The following EHMT2 variants were observed in gnomAD, a reference collection of about 807,000 sequenced individuals.
EHMT2 encodes the protein euchromatic histone lysine methyltransferase 2, also known as histone-lysine N-methyltransferase EHMT2.
Under a neutral mutation model 143.3 loss-of-function variants are expected in EHMT2, and 59 were observed. The observed-to-expected ratio is 0.41, with a 90% CI of 0.33 to 0.51. The LOEUF is 0.51. EHMT2 is among the 20% of genes least tolerant of loss of function. The probability of loss-of-function intolerance (pLI) is 0.18; values close to 1 mark genes in which losing one functional copy is unlikely to be tolerated. For missense variants in EHMT2, 1,174 were observed against 1,645.9 expected, an observed-to-expected ratio of 0.71 and a Z score of 4.96; for synonymous variants, 604 against 651.5, an observed-to-expected ratio of 0.93 and a Z score of 1.11.
At position 31,896,830 on chromosome 6, in the gene EHMT2, G is replaced by A. The variant is rs1330593248; in HGVS notation, c.110-6C>T. The A allele has an allele frequency of 1.2e-6, 2 of 1,612,722 alleles. No homozygotes were observed. The highest frequency in any genetic ancestry group is 1.7e-5 in the Admixed American group (1 of 60,004). On this transcript the variant is annotated splice_polypyrimidine_tract_variant and splice_region_variant and intron_variant, in intron 2 of 27. Transcript: ENST00000375537. ...GTCCCCCAAAGAGCCATGAACTGTA[G>A]AGGAAGAGAAAAAGTTCAGAGCTAA... is the stretch of plus-strand genomic sequence containing the variant.
At chr6:31,882,215 G>C (rs992454978) in intron 25 of EHMT2, among the ~76,000 whole-genome samples, 2 of 152,098 alleles carry the variant, frequency 1.3e-5, no homozygotes, top group African/African-American at 4.8e-5. Flanking sequence ...ATGCTGGGCA[G>C]AGAAAGAACT....
exon 15 of EHMT2, chr6:31,887,658 G>A (rs1765053930): frequency 1.9e-6 from 3 of 1,612,782 alleles, no homozygotes; most frequent in Non-Finnish European, 2.5e-6. Context: ...AGCTTCTTCC[G>A]CCTGCCAAGG....
rs771517071 is a variant in EHMT2 at position 31,889,633 on chromosome 6, C to G, written c.865-31G>C. 1 of 1,606,438 alleles carries G rather than the reference C, an allele frequency of 6.2e-7. No individual in the cohort carries two copies. Reference sequence around the variant, plus strand: ...AGAGAGGCAGAACAGACATATCCAACCCCCAGGACTCAGACAATGAGGTGA... The same window carrying G: ...AGAGAGGCAGAACAGACATATCCAAGCCCCAGGACTCAGACAATGAGGTGA... On this transcript the variant is annotated intron_variant, in intron 7 of 27. Coordinates refer to ENST00000375537, the Ensembl canonical transcript of EHMT2. This position sits in a 1 kb window ranked among gnomAD's most constrained non-coding sequence, Gnocchi z 5.1.
Position 31,884,664 on chromosome 6 carries a change from T to A in EHMT2, c.2584A>T (p.Ser862Cys). 6.3e-7 allele frequency: 1 copy of A among 1,580,636 alleles called. No homozygotes were observed. Among genetic ancestry groups the A allele is most frequent in the Non-Finnish European group, 8.6e-7 (1 of 1,159,950 alleles). The change falls in exon 20 of 28, where the codon AGC (serine) becomes TGC (cysteine). Residue 862 changes from serine (S) to cysteine (C), a missense_variant. By Grantham distance (112) the Ser-to-Cys change is moderately radical. Coordinates refer to ENST00000375537, the Ensembl canonical transcript of EHMT2. This position sits in a 1 kb window ranked among gnomAD's most constrained non-coding sequence, Gnocchi z 7.3. ...GCTCACAGCACGCAGTCATGGTAGC[T>A]CTCCCGAGCTGCGATGTGCAGGGGG...
chr6:31,888,041 C>G lies in EHMT2; in HGVS notation c.1745G>C (p.Ser582Thr). 2.5e-6 allele frequency: 4 copies of G among 1,579,030 alleles called. No homozygotes were observed. The highest frequency in any genetic ancestry group is 3.4e-6 in the Non-Finnish European group (4 of 1,163,142). The change falls in exon 13 of 28, where the codon AGT becomes ACT. Residue 582 changes from serine to threonine, a missense_variant and splice_region_variant. This residue lies in a region of EHMT2 where 608 missense variants were observed against 903.7 expected (regional missense o/e 0.67). Coordinates refer to ENST00000375537, the Ensembl canonical transcript of EHMT2. The surrounding 1 kb of genome is among the most constrained non-coding windows in gnomAD (Gnocchi z 7.4). Reference sequence around the variant, plus strand: ...CAGTACAGAAGGGGGAGGCCAGTACCTGGGCTGAGAAGTGTCTGCTCTCCC... The same window carrying G: ...CAGTACAGAAGGGGGAGGCCAGTACGTGGGCTGAGAAGTGTCTGCTCTCCC...
rs746601954 is a variant in EHMT2, at chr6:31,892,526, C to T, written c.745G>A (p.Val249Met). ...CCGGGGTCCCCTTTCGTCAGGGTCA[C>T]TTCTCCTGAACGCCGGGCAGAACCT... Residue 249 changes from valine to methionine, a missense_variant, in exon 7 of 28, where the codon GTG (valine) becomes ATG (methionine). Transcript: ENST00000375537. 1 of 1,613,052 alleles carries T rather than the reference C, an allele frequency of 6.2e-7. No individual in the cohort carries two copies. Among genetic ancestry groups the T allele is most frequent in the East Asian group, 2.2e-5 (1 of 44,884 alleles).
chr6:31,896,513 T>C, exon 4 of EHMT2: 2 of 1,612,704 alleles, frequency 1.2e-6, no homozygotes, highest in Non-Finnish European at 1.7e-6. Flanking sequence ...CTTTGTGGCA[T>C]GGCCTAGAAA....
Position 31,892,679 on chromosome 6 carries a change from G to C in EHMT2, c.708+15C>G. 6.2e-7 allele frequency: 1 copy of C among 1,613,118 alleles called. No individual in the cohort carries two copies. The highest frequency in any genetic ancestry group is 8.5e-7 in the Non-Finnish European group (1 of 1,180,014). On this transcript the variant is annotated intron_variant, in intron 6 of 27. Transcript: ENST00000375537. ...GCAGCCCCCGAGGGGTAGAGGCTCT[G>C]CCTCTGCTGCTTACCAGGCCACCTC...
In EHMT2 at chr6:31,885,036, G is replaced by A. The variant is rs1764647966; in HGVS notation, c.2344-20C>T. On this transcript the variant is annotated intron_variant, in intron 18 of 27. Transcript: ENST00000375537. ...ACTGTCCTGTGGGTGGGAAGGGAGT[G>A]AGGGTGGGGGCAGCTGGCCCTGCTC... 6.3e-7 allele frequency: 1 copy of A among 1,592,976 alleles called. No individual in the cohort carries two copies. The highest frequency in any genetic ancestry group is 1.3e-5 in the African/African-American group (1 of 74,576).
Position 31,883,271 on chromosome 6 carries a change from G to A in EHMT2, c.2994+91C>T. ...TCACTTCCCCCACAGGGTAGGAGGT[G>A]AGGGACATGGTCCCAGGGAGCTGGT... On this transcript the variant is annotated intron_variant, in intron 23 of 27. Coordinates refer to ENST00000375537, the Ensembl canonical transcript of EHMT2. This position sits in a 1 kb window ranked among gnomAD's most constrained non-coding sequence, Gnocchi z 5.6. 2 of 1,318,690 alleles carry A rather than the reference G, an allele frequency of 1.5e-6. No homozygotes were observed. Among genetic ancestry groups the A allele is most frequent in the Non-Finnish European group, 2.2e-6 (2 of 929,586 alleles). The allele number at this position is 1,318,690 out of a possible 1,614,324, so 81.7% of individuals were successfully genotyped here. A position where few individuals can be genotyped will look rare whatever the true frequency, so the allele number is the denominator to read the frequency against.
chr6:31,886,862 C>T (rs771022608), exon 17 of EHMT2: 2 of 1,614,218 alleles, frequency 1.2e-6, no homozygotes, highest in South Asian at 2.2e-5. Flanking sequence ...GTGGCGTCCG[C>T]TGCTGTTTGT....
Position 31,884,851 on chromosome 6 carries a change from T to C in EHMT2, c.2449-52A>G, listed in dbSNP as rs771471340. 3 of 1,578,770 alleles carry C rather than the reference T, an allele frequency of 1.9e-6. No individual in the cohort carries two copies. Among genetic ancestry groups the C allele is most frequent in the Admixed American group, 3.5e-5 (2 of 56,878 alleles). On this transcript the variant is annotated intron_variant, in intron 19 of 27. Coordinates refer to ENST00000375537, the Ensembl canonical transcript of EHMT2. The surrounding 1 kb of genome is among the most constrained non-coding windows in gnomAD (Gnocchi z 7.3). ...AGGTGCAGGCAGCTGGGCCCTTGAA[T>C]CCAGCCTCCACCTTGCTCAGGGGCC...
At chr6:31,892,196 C>A (rs1352016089) in intron 7 of EHMT2, among the ~76,000 whole-genome samples, 2 of 152,136 alleles carry the variant, frequency 1.3e-5, no homozygotes, top group Non-Finnish European at 1.5e-5. Context: ...GAGCCCAGAT[C>A]GTGATATTGC....
At position 31,889,653 on chromosome 6, in the gene EHMT2, A is replaced by C. The variant is rs111962953; in HGVS notation, c.865-51T>G. On this transcript the variant is annotated intron_variant, in intron 7 of 27. Coordinates refer to ENST00000375537, the Ensembl canonical transcript of EHMT2. This position sits in a 1 kb window ranked among gnomAD's most constrained non-coding sequence, Gnocchi z 5.1. ...TCCAACCCCCAGGACTCAGACAATGAGGTGAGTAAAGAAAACCACCACCAC... is the reference window on the plus strand; with the variant it reads ...TCCAACCCCCAGGACTCAGACAATGCGGTGAGTAAAGAAAACCACCACCAC... The C allele has an allele frequency of 6.9e-6, 11 of 1,601,024 alleles. No individual in the cohort carries two copies. In the East Asian group the frequency reaches 2.5e-4, roughly 36 times the overall value.
At position 31,888,544 on chromosome 6, in the gene EHMT2, G is replaced by A. The variant is rs751998044; in HGVS notation, c.1366-38C>T. The A allele has an allele frequency of 1.9e-6, 3 of 1,609,748 alleles. No homozygotes were observed. In the South Asian group the frequency reaches 3.3e-5, roughly 18 times the overall value. On this transcript the variant is annotated intron_variant, in intron 11 of 27. Coordinates refer to ENST00000375537, the Ensembl canonical transcript of EHMT2. The surrounding 1 kb of genome is among the most constrained non-coding windows in gnomAD (Gnocchi z 7.4). Reference sequence around the variant, plus strand: ...AGGATGGGTGAGAAGAGAGCGTGAGGCTGGGGCCGGGGACTGGACGCCCTG... The same window carrying A: ...AGGATGGGTGAGAAGAGAGCGTGAGACTGGGGCCGGGGACTGGACGCCCTG...
In EHMT2 at chr6:31,882,877, G is replaced by A. The variant is rs1374351355; in HGVS notation, c.3110+17C>T. Reference sequence around the variant, plus strand: ...GGGTGAGGTGGGGAGAGGGTGGGCTGTGGAGCAGGGCCTCACTTGATGCCA... The same window carrying A: ...GGGTGAGGTGGGGAGAGGGTGGGCTATGGAGCAGGGCCTCACTTGATGCCA... On this transcript the variant is annotated intron_variant, in intron 24 of 27. Transcript: ENST00000375537. 1 of 1,612,244 alleles carries A rather than the reference G, an allele frequency of 6.2e-7. No individual in the cohort carries two copies. Among genetic ancestry groups the A allele is most frequent in the East Asian group, 2.2e-5 (1 of 44,882 alleles).
intron 7 of EHMT2, 133 bp downstream of exon 7, chr6:31,892,274 G>T: frequency 9.7e-7 from 1 of 1,030,120 alleles, no homozygotes; most frequent in Non-Finnish European, 1.4e-6. Flanking sequence ...TAGACAGCAT[G>T]GGGCAATGAC....
rs1221288911 is a variant in EHMT2 at position 31,881,670 on chromosome 6, C to A, written c.3198-578G>T. ...GGGCAAAGGCCGATTTTGGCAGGGA[C>A]AGGCAGTGAGTGGATGGTGGGGAAA... On this transcript the variant is annotated intron_variant, in intron 25 of 27. Transcript: ENST00000375537. This position sits in a 1 kb window ranked among gnomAD's most constrained non-coding sequence, Gnocchi z 4.8. The A allele has an allele frequency of 1.8e-5, 3 of 166,024 alleles. No homozygotes were observed. Among genetic ancestry groups the A allele is most frequent in the African/African-American group, 7.2e-5 (3 of 41,878 alleles). The allele number at this position is 166,024 out of a possible 1,614,324, so 10.3% of individuals were successfully genotyped here.
chr6:31,893,776 C>A, intron 4 of EHMT2: 1 of 190,314 alleles, frequency 5.3e-6, no homozygotes, highest in Non-Finnish European at 1.1e-5. Flanking sequence ...TATGATTACA[C>A]TTAGATAAAG....
Sources: allele counts gnomAD v4.1 joint callset (sites outside exome capture counted in the v4.1 genomes callset), GRCh38; gene constraint gnomAD v4.1.1; regional missense constraint gnomAD v4.1.1; non-coding constraint Gnocchi (gnomAD v3.1); transcripts MANE v1.5; gene names NCBI Gene and HGNC (gene_info 2026-07-23, HGNC 2026-07-21).